Variants in CNIH3 observed in about 807,000 individuals in gnomAD.
CNIH3 encodes cornichon family AMPA receptor auxiliary protein 3, also known as protein cornichon homolog 3.
In CNIH3, 14 loss-of-function variants were observed where a neutral mutation model predicts 24.1. That is an observed-to-expected ratio of 0.58 (90% CI 0.38 to 0.91). The LOEUF (loss-of-function observed/expected upper bound fraction) is 0.91. Among genes scored for constraint, CNIH3 ranks in the 40% least tolerant of loss-of-function variants. The pLI, the probability that CNIH3 is intolerant of heterozygous loss-of-function variation, is 0.00. For synonymous variants in CNIH3, 68 were observed against 73.8 expected, an observed-to-expected ratio of 0.92 and a Z score of 0.40; for missense variants, 178 against 196.8, an observed-to-expected ratio of 0.90 and a Z score of 0.57.
At chr1:224,716,179 C>T (rs967289702) in intron 3 of CNIH3, among the ~76,000 whole-genome samples, 1 of 152,190 alleles carries the variant, frequency 6.6e-6, no homozygotes, top group Non-Finnish European at 1.5e-5. Context: ...CATCTCTTGC[C>T]TGGAACACTA....
intron 3 of CNIH3, among the ~76,000 whole-genome samples, chr1:224,548,306 G>A (rs897837359): frequency 2.7e-5 from 4 of 150,882 alleles, no homozygotes; most frequent in Admixed American, 6.6e-5. Flanking sequence ...GATATTACTC[G>A]CAATATCAAA....
chr1:224,645,025 G>T (rs1684535392), intron 1 of CNIH3, among the ~76,000 whole-genome samples: 1 of 152,230 alleles, frequency 6.6e-6, no homozygotes, highest in Non-Finnish European at 1.5e-5. Context: ...GAAGGCAATA[G>T]AGGCTGCCTC....
chr1:224,634,329 G>T (rs1683974218), intron 1 of CNIH3, among the ~76,000 whole-genome samples: 1 of 152,188 alleles, frequency 6.6e-6, no homozygotes, highest in Non-Finnish European at 1.5e-5. Flanking sequence ...CACGCACTTT[G>T]GGAGGCTGAG....
chr1:224,717,222 A>G (rs1688476375), intron 3 of CNIH3, among the ~76,000 whole-genome samples: 1 of 152,182 alleles, frequency 6.6e-6, no homozygotes, highest in South Asian at 2.1e-4. Context: ...TGGAGGTTAA[A>G]ACCTCAAGAT....
intron 2 of CNIH3, among the ~76,000 whole-genome samples, chr1:224,524,086 T>C (rs1296859087): frequency 6.6e-6 from 1 of 152,134 alleles, no homozygotes; most frequent in African/African-American, 2.4e-5. Flanking sequence ...CCCAGCATGA[T>C]TAAAAAGGGC....
At chr1:224,663,348 C>T (rs1054008128) in intron 1 of CNIH3, among the ~76,000 whole-genome samples, 1 of 152,168 alleles carries the variant, frequency 6.6e-6, no homozygotes, top group Non-Finnish European at 1.5e-5. Flanking sequence ...ACCTCGACCT[C>T]CCACAGCTAT....
intron 1 of CNIH3, among the ~76,000 whole-genome samples, chr1:224,488,766 C>T (rs954810248): frequency 6.8e-6 from 1 of 147,710 alleles, no homozygotes; most frequent in Non-Finnish European, 1.5e-5. Context: ...TCATGCCTGG[C>T]CCCTATCTAG....
In CNIH3 at chr1:224,740,470, T is replaced by G. The variant is rs1255366345; in HGVS notation, c.*1114T>G. On this transcript the variant is annotated 3_prime_UTR_variant, in exon 6 of 6. Coordinates refer to ENST00000272133, the MANE Select transcript of CNIH3 (RefSeq NM_152495.2). Reference sequence around the variant, plus strand: ...TTTATACACGTCCCCAGCTCCCATCTGAAACCTGTGACTCAGGTTTATGAA... The same window carrying G: ...TTTATACACGTCCCCAGCTCCCATCGGAAACCTGTGACTCAGGTTTATGAA... 2 of 152,224 alleles carry G rather than the reference T, an allele frequency of 1.3e-5. No individual in the cohort carries two copies. The highest frequency in any genetic ancestry group is 2.9e-5 in the Non-Finnish European group (2 of 68,036). 9.4% of individuals were successfully genotyped at this position (152,224 alleles called of 1,614,324 possible).
At chr1:224,568,685 T>C (rs1336209061) in intron 4 of CNIH3, among the ~76,000 whole-genome samples, 1 of 151,880 alleles carries the variant, frequency 6.6e-6, no homozygotes, top group Non-Finnish European at 1.5e-5. Flanking sequence ...GCCCAGGGGC[T>C]TGGGGCCGTA....
At chr1:224,551,013 C>T (rs891455314) in intron 3 of CNIH3, among the ~76,000 whole-genome samples, 4 of 152,022 alleles carry the variant, frequency 2.6e-5, no homozygotes, top group Non-Finnish European at 4.4e-5. Flanking sequence ...ATCAAAACCA[C>T]AATGAGATAC....
chr1:224,591,004 G>T (rs1681733296), downstream of CNIH3, among the ~76,000 whole-genome samples: 3 of 152,170 alleles, frequency 2.0e-5, no homozygotes, highest in Admixed American at 2.0e-4. Flanking sequence ...ATTGGAAAAG[G>T]TAGATCTAAG....
intron 3 of CNIH3, among the ~76,000 whole-genome samples, chr1:224,608,587 G>GGTC: frequency 6.6e-6 from 1 of 152,328 alleles, no homozygotes; most frequent in South Asian, 2.1e-4. Context: ...GGAATCTATA[G>GGTC]ATAACATAAC....
At chr1:224,637,624 G>T (rs1448352954) in intron 1 of CNIH3, among the ~76,000 whole-genome samples, 1 of 152,218 alleles carries the variant, frequency 6.6e-6, no homozygotes, top group Non-Finnish European at 1.5e-5. Flanking sequence ...TTGTCATAGT[G>T]TTGTCTGGCT....
chr1:224,677,517 A>G (rs146038987), intron 1 of CNIH3, among the ~76,000 whole-genome samples: 15 of 152,202 alleles, frequency 9.9e-5, no homozygotes, highest in Admixed American at 9.8e-4. Context: ...CTGCCATCAC[A>G]TCATCAGAAA....
intron 4 of CNIH3, among the ~76,000 whole-genome samples, chr1:224,578,181 A>G (rs1681118197): frequency 1.3e-5 from 2 of 152,226 alleles, no homozygotes; most frequent in African/African-American, 4.8e-5. Flanking sequence ...AAATTAAAAA[A>G]ATAAAAACAA....
chr1:224,543,247 T>C (rs150135594), intron 2 of CNIH3, among the ~76,000 whole-genome samples: 11 of 152,290 alleles, frequency 7.2e-5, no homozygotes, highest in African/African-American at 2.4e-4. Context: ...CACGTCCTGA[T>C]TCTATGGGGA....
At chr1:224,479,678 G>A (rs753654260) in intron 1 of CNIH3, among the ~76,000 whole-genome samples, 1 of 152,218 alleles carries the variant, frequency 6.6e-6, no homozygotes, top group Non-Finnish European at 1.5e-5. Context: ...CTGAAATCCA[G>A]CAGGGCAGTC....
At chr1:224,531,499 C>T (rs1345103983) in intron 2 of CNIH3, among the ~76,000 whole-genome samples, 1 of 152,132 alleles carries the variant, frequency 6.6e-6, no homozygotes, top group Non-Finnish European at 1.5e-5. Context: ...AGCTCTAGGT[C>T]ATAGGGAATG....
chr1:224,739,184 G>T lies in CNIH3; in HGVS notation c.456-145G>T, dbSNP rs181093346. 2.8e-6 allele frequency: 4 copies of T among 1,421,266 alleles called. No homozygotes were observed. The African/African-American group carries it at 4.4e-5, about 16-fold the overall frequency. 88.0% of individuals were successfully genotyped at this position (1,421,266 alleles called of 1,614,324 possible). ...AGGGGCACAGTAGTGGAGTTGGCGA[G>T]ATGCTGTAGTGACAGGAATGAGGGA... On this transcript the variant is annotated intron_variant, in intron 5 of 5. Transcript: ENST00000272133.
Sources: gnomAD v4.1 joint callset for allele counts (sites outside exome capture counted in the v4.1 genomes callset) on GRCh38, gnomAD v4.1.1 for gene constraint, MANE v1.5 for transcripts, NCBI Gene and HGNC (gene_info 2026-07-23, HGNC 2026-07-21) for gene names.